Variants in MDGA1 observed in about 807,000 individuals in gnomAD.
The protein encoded by MDGA1 is MAM domain containing glycosylphosphatidylinositol anchor 1.
A neutral mutation model predicts 101.5 loss-of-function variants in MDGA1; 54 were observed. The observed-to-expected ratio is 0.53, with a 90% CI of 0.43 to 0.67. The LOEUF is 0.67. Ranked by LOEUF, MDGA1 falls within the 30% of genes least tolerant of loss-of-function variation. The pLI is 0.00. For missense variants in MDGA1, 1,083 were observed against 1,323.8 expected (o/e 0.82, Z 2.82); for synonymous variants, 533 against 558.3 (o/e 0.95, Z 0.64).
Position 37,658,381 on chromosome 6 carries a change from C to A in MDGA1, c.246G>T (p.Lys82Asn). The part of the protein sequence containing the change: ...WTKTAGSASD[K>N]FQETSVFNET... ...CGTTGAACACCGATGTCTCCTGGAA[C>A]TTGTCCGAGGCGCTACCTGCCGTCT... The change falls in exon 3 of 17, where the codon AAG (lysine) becomes AAT (asparagine). Residue 82 changes from lysine to asparagine, a missense_variant. Lys to Asn is a moderately conservative substitution (Grantham distance 94). Coordinates refer to ENST00000434837, the MANE Select transcript of MDGA1 (RefSeq NM_153487.4). 1 of 1,612,274 alleles carries A rather than the reference C, an allele frequency of 6.2e-7. No homozygotes were observed. Among genetic ancestry groups the A allele is most frequent in the Middle Eastern group, 1.7e-4 (1 of 6,056 alleles).
At position 37,655,327 on chromosome 6, in the gene MDGA1, T is replaced by G; in HGVS notation, c.579+373A>C. 3.0e-6 allele frequency: 1 copy of G among 329,772 alleles called. No homozygotes were observed. The allele number at this position is 329,772 out of a possible 1,614,324, so 20.4% of individuals were successfully genotyped here. A position where few individuals can be genotyped will look rare whatever the true frequency, so the allele number is the denominator to read the frequency against. On this transcript the variant is annotated intron_variant, in intron 4 of 16. Coordinates refer to ENST00000434837, the MANE Select transcript of MDGA1 (RefSeq NM_153487.4). This position sits in a 1 kb window ranked among gnomAD's most constrained non-coding sequence, Gnocchi z 5.1. ...TGGCATCACCACCATCTCCTGGGAC[T>G]ATCAGGGCCCATGGGAAGAGGAGTC...
At chr6:37,669,312 A>T (rs1278915832) in intron 1 of MDGA1, among the ~76,000 whole-genome samples, 1 of 152,198 alleles carries the variant, frequency 6.6e-6, no homozygotes, top group Non-Finnish European at 1.5e-5. Flanking sequence ...CTCAGTTTTT[A>T]GAAAACAGCA....
chr6:37,667,895 A>G (rs556656523), intron 1 of MDGA1, among the ~76,000 whole-genome samples: 190 of 152,314 alleles, frequency 1.2e-3, no homozygotes, highest in South Asian at 2.3e-3. Flanking sequence ...TGGTCACCTG[A>G]CAGGTGTATT....
At position 37,647,290 on chromosome 6, in the gene MDGA1, G is replaced by A. The variant is rs2114012280; in HGVS notation, c.1929C>T (p.Thr643=). 3.9e-6 allele frequency: 6 copies of A among 1,554,070 alleles called. No individual in the cohort carries two copies. In the South Asian group the frequency reaches 7.1e-5, roughly 18 times the overall value. ...KAYSPEFYFD[T]PNPTRSHKLS... ...GCTTGTGGCTGCGGGTGGGGTTGGG[G>A]GTGTCGAAGTAAAACTCCGGGCTGT... is the stretch of plus-strand genomic sequence containing the variant. The change falls in exon 10 of 17, where the codon ACC becomes ACT. Residue 643 remains threonine (T), a synonymous_variant. Coordinates refer to ENST00000434837, the MANE Select transcript of MDGA1 (RefSeq NM_153487.4).
At chr6:37,666,985 C>T (rs948307129) in intron 1 of MDGA1, among the ~76,000 whole-genome samples, 1 of 152,180 alleles carries the variant, frequency 6.6e-6, no homozygotes, top group Non-Finnish European at 1.5e-5. Flanking sequence ...ACCCTAAGAA[C>T]TCACAACGGT....
intron 3 of MDGA1, among the ~76,000 whole-genome samples, chr6:37,657,401 T>C (rs949217703): frequency 6.6e-6 from 1 of 152,194 alleles, no homozygotes; most frequent in Non-Finnish European, 1.5e-5. Flanking sequence ...GTCACCACCA[T>C]GGCCATGAGA....
chr6:37,649,917 T>C, intron 8 of MDGA1, 192 bp downstream of exon 8: 1 of 743,078 alleles, frequency 1.3e-6, no homozygotes, highest in Non-Finnish European at 2.4e-6. Flanking sequence ...TGGGAGATAC[T>C]TGATGAAATG....
In MDGA1 at chr6:37,652,089, T is replaced by C. The variant is rs757297104; in HGVS notation, c.1234A>G (p.Thr412Ala). The C allele has an allele frequency of 1.9e-6, 3 of 1,613,558 alleles. No homozygotes were observed. The East Asian group carries it at 6.7e-5, about 36-fold the overall frequency. The change falls in exon 7 of 17, where the codon ACC becomes GCC. Residue 412 changes from threonine to alanine, a missense_variant. Thr to Ala is a moderately conservative substitution (Grantham distance 58). This residue lies in a region of MDGA1 where 657 missense variants were observed against 771.4 expected (regional missense o/e 0.85). Coordinates refer to ENST00000434837, the MANE Select transcript of MDGA1 (RefSeq NM_153487.4). This position sits in a 1 kb window ranked among gnomAD's most constrained non-coding sequence, Gnocchi z 4.3. ...GGGAAAGAAGCCATGCACAGGTAGG[T>C]GCCATAGTCACTGAAGTGCAGGTCA... ...LIDLHFSDYG[T>A]YLCMASFPGA...
At chr6:37,648,525 C>T (rs2114015054) in intron 9 of MDGA1, 1 of 172,988 alleles carries the variant, frequency 5.8e-6, no homozygotes, top group Non-Finnish European at 1.2e-5. Flanking sequence ...GGAGCCCAGA[C>T]GTGGCTTGGA....
chr6:37,654,690 G>A, intron 5 of MDGA1, 110 bp downstream of exon 5: 1 of 1,535,652 alleles, frequency 6.5e-7, no homozygotes, highest in Non-Finnish European at 8.9e-7. Context: ...GGAGGGGAGG[G>A]GCCAGACATT....
At position 37,650,257 on chromosome 6, in the gene MDGA1, C is replaced by T; in HGVS notation, c.1461G>A (p.Ser487=). Residue 487 remains serine (S), a synonymous_variant, in exon 8 of 17, where the codon TCG becomes TCA. Transcript: ENST00000434837. The stretch of plus-strand genomic sequence containing the variant: ...CCGGAGTCTCCTCCAGGGGCAGCCC[C>T]GAGGGCAGCAGTGCAGCCTCCTTGT... The part of the protein sequence containing the change: ...RVDKEAALLP[S]GLPLEETPDG... The T allele has an allele frequency of 1.2e-6, 2 of 1,609,504 alleles. No individual in the cohort carries two copies. Among genetic ancestry groups the T allele is most frequent in the Non-Finnish European group, 1.7e-6 (2 of 1,179,052 alleles).
intron 1 of MDGA1, among the ~76,000 whole-genome samples, chr6:37,690,928 T>C (rs1162567110): frequency 6.6e-6 from 1 of 152,130 alleles, no homozygotes; most frequent in East Asian, 1.9e-4. Flanking sequence ...CCACCTGGAA[T>C]GCCCCTCTCA....
chr6:37,655,334 G>A lies in MDGA1; in HGVS notation c.579+366C>T. On this transcript the variant is annotated intron_variant, in intron 4 of 16. Transcript: ENST00000434837. This position sits in a 1 kb window ranked among gnomAD's most constrained non-coding sequence, Gnocchi z 5.1. ...ACCACCATCTCCTGGGACTATCAGGGCCCATGGGAAGAGGAGTCATCTCCT... is the reference window on the plus strand; with the variant it reads ...ACCACCATCTCCTGGGACTATCAGGACCCATGGGAAGAGGAGTCATCTCCT... 1 of 336,002 alleles carries A rather than the reference G, an allele frequency of 3.0e-6. No individual in the cohort carries two copies. The highest frequency in any genetic ancestry group is 5.4e-6 in the Non-Finnish European group (1 of 183,770). The allele number at this position is 336,002 out of a possible 1,614,324, so 20.8% of individuals were successfully genotyped here. A position where few individuals can be genotyped will look rare whatever the true frequency, so the allele number is the denominator to read the frequency against.
In MDGA1 at chr6:37,647,249, G is replaced by C; in HGVS notation, c.1970C>G (p.Ser657Cys). 1.3e-6 allele frequency: 2 copies of C among 1,580,090 alleles called. No individual in the cohort carries two copies. The highest frequency in any genetic ancestry group is 1.3e-5 in the African/African-American group (1 of 74,398). ...TRSHKLSKNY[S>C]YVLQWTQREP... is the part of the protein sequence containing the mutation. ...CCTCTGAGTCCACTGCAGCACGTAG[G>C]AGTAGTTCTTGGACAGCTTGTGGCT... Residue 657 changes from serine (S) to cysteine (C), a missense_variant, in exon 10 of 17, where the codon TCC (serine) becomes TGC (cysteine). Physicochemically the swap from Ser to Cys is moderately radical, Grantham distance 112 (BLOSUM62 -1). Coordinates refer to ENST00000434837, the MANE Select transcript of MDGA1 (RefSeq NM_153487.4).
intron 1 of MDGA1, among the ~76,000 whole-genome samples, chr6:37,670,532 G>T (rs1203168657): frequency 6.7e-6 from 1 of 148,252 alleles, no homozygotes; most frequent in African/African-American, 2.6e-5. Flanking sequence ...TGCAAAATGG[G>T]GTTGTTGTGA....
In MDGA1 at chr6:37,696,821, C is replaced by T; in HGVS notation, c.-10G>A. ...GGCAGGTCACCTCCATCTTCACGGC[C>T]GGTGCTTCATCCCCGCGAGGCGGCG... On this transcript the variant is annotated 5_prime_UTR_variant, in exon 1 of 17. Coordinates refer to ENST00000434837, the MANE Select transcript of MDGA1 (RefSeq NM_153487.4). The surrounding 1 kb of genome is among the most constrained non-coding windows in gnomAD (Gnocchi z 5.6). 6.4e-7 allele frequency: 1 copy of T among 1,565,072 alleles called. No individual in the cohort carries two copies. The highest frequency in any genetic ancestry group is 8.7e-7 in the Non-Finnish European group (1 of 1,154,448).
At chr6:37,663,048 A>C (rs1310121765) in intron 2 of MDGA1, among the ~76,000 whole-genome samples, 1 of 152,182 alleles carries the variant, frequency 6.6e-6, no homozygotes, top group Non-Finnish European at 1.5e-5. Flanking sequence ...AAAGCCATCT[A>C]TGTTCCCAAA....
At chr6:37,681,985 G>A (rs1430927938) in intron 1 of MDGA1, among the ~76,000 whole-genome samples, 2 of 152,156 alleles carry the variant, frequency 1.3e-5, no homozygotes, top group East Asian at 1.9e-4. Flanking sequence ...TAAAGGAGGT[G>A]CATGGCTTGA....
At chr6:37,657,659 C>G (rs1000280273) in intron 3 of MDGA1, among the ~76,000 whole-genome samples, 1 of 152,140 alleles carries the variant, frequency 6.6e-6, no homozygotes, top group African/African-American at 2.4e-5. Context: ...TGGGCCTGGG[C>G]CAACAGTTTC....
Sources: allele counts gnomAD v4.1 joint callset (sites outside exome capture counted in the v4.1 genomes callset), GRCh38; gene constraint gnomAD v4.1.1; regional missense constraint gnomAD v4.1.1; non-coding constraint Gnocchi (gnomAD v3.1); transcripts MANE v1.5; gene names NCBI Gene and HGNC (gene_info 2026-07-23, HGNC 2026-07-21).